Variants in CAMTA1 observed in about 807,000 individuals in gnomAD.
The protein encoded by CAMTA1 is calmodulin-binding transcription activator 1.
In CAMTA1, 27 loss-of-function variants were observed where a neutral mutation model predicts 170.9. That is an observed-to-expected ratio of 0.16 (90% CI 0.12 to 0.22). The LOEUF (loss-of-function observed/expected upper bound fraction) is 0.22. Among genes scored for constraint, CAMTA1 ranks in the 10% least tolerant of loss-of-function variants. The pLI, the probability that CAMTA1 is intolerant of heterozygous loss-of-function variation, is 1.00. For missense variants in CAMTA1, 1,619 were observed against 2,217.2 expected, an observed-to-expected ratio of 0.73 and a Z score of 5.42; for synonymous variants, 833 against 891.5, an observed-to-expected ratio of 0.93 and a Z score of 1.17.
chr1:6,804,402 C>G (rs1644271848), intron 1 of CAMTA1, among the ~76,000 whole-genome samples: 1 of 151,788 alleles, frequency 6.6e-6, no homozygotes, highest in African/African-American at 2.4e-5. Context: ...AGTGGGTTTT[C>G]TTTTGTATAT....
chr1:6,806,869 A>T (rs1349555213), intron 1 of CAMTA1: 1 of 405,972 alleles, frequency 2.5e-6, no homozygotes, highest in Non-Finnish European at 4.4e-6. Flanking sequence ...TGGAGGAATC[A>T]GAAGATATTT....
intron 6 of CAMTA1, among the ~76,000 whole-genome samples, chr1:7,621,814 C>A (rs2095600516): frequency 6.6e-6 from 1 of 152,200 alleles, no homozygotes; most frequent in South Asian, 2.1e-4. Context: ...CCATTGCTTC[C>A]AAGAAGGTCA....
intron 5 of CAMTA1, 89 bp from the exon 6 acceptor site, chr1:7,467,741 C>T (rs780865743): frequency 1.1e-4 from 137 of 1,228,170 alleles, no homozygotes; most frequent in Non-Finnish European, 1.6e-4. Flanking sequence ...CGGCTGTGGC[C>T]CCTTCTTGCT....
intron 3 of CAMTA1, among the ~76,000 whole-genome samples, chr1:7,062,751 C>T (rs1708420302): frequency 6.6e-6 from 1 of 152,224 alleles, no homozygotes; most frequent in Admixed American, 6.5e-5. Flanking sequence ...GGCCCGACCT[C>T]CAAGTCCAGG....
intron 3 of CAMTA1, among the ~76,000 whole-genome samples, chr1:6,884,337 A>C (rs926528268): frequency 4.0e-5 from 4 of 99,690 alleles, no homozygotes; most frequent in Admixed American, 3.5e-4. Flanking sequence ...CACACACACA[A>C]TTTTGTTTGG....
At chr1:7,751,787 CTGAAGGAAATCTGATTTTCAA>C (rs1429952796) in intron 20 of CAMTA1, among the ~76,000 whole-genome samples, 1 of 151,228 alleles carries the variant, frequency 6.6e-6, no homozygotes, top group Non-Finnish European at 1.5e-5. Flanking sequence ...CTCTTTGAGG[CTGAAGGAAATCTGATTTTCAA>C]TGTGAAAATA....
chr1:6,974,531 G>T (rs1390065205), intron 3 of CAMTA1, among the ~76,000 whole-genome samples: 4 of 152,226 alleles, frequency 2.6e-5, no homozygotes, highest in Non-Finnish European at 5.9e-5. Context: ...TCCCAGAGTT[G>T]GGAGTGAGGC....
chr1:6,857,071 T>C (rs1218505137), intron 3 of CAMTA1, among the ~76,000 whole-genome samples: 1 of 152,166 alleles, frequency 6.6e-6, no homozygotes. Context: ...TTGGACTGTT[T>C]TGCTATTTAC....
intron 5 of CAMTA1, among the ~76,000 whole-genome samples, chr1:7,268,765 A>G (rs918505137): frequency 2.0e-5 from 3 of 152,266 alleles, no homozygotes; most frequent in Non-Finnish European, 4.4e-5. Context: ...TGCATTCATT[A>G]CTAAACATAT....
chr1:7,390,807 C>T (rs12088241), intron 5 of CAMTA1, among the ~76,000 whole-genome samples: 13,616 of 152,292 alleles, frequency 0.089, 1,775 homozygotes, highest in African/African-American at 0.28. Context: ...TGCTCTGCAC[C>T]GCCCGCCAGG....
At chr1:6,825,627 C>T (rs567974642) in intron 3 of CAMTA1, among the ~76,000 whole-genome samples, 1 of 152,264 alleles carries the variant, frequency 6.6e-6, no homozygotes, top group South Asian at 2.1e-4. Context: ...TTGGAAAGGG[C>T]AGGTTTCATA....
chr1:7,200,688 C>T (rs1656507849), intron 4 of CAMTA1, among the ~76,000 whole-genome samples: 1 of 152,136 alleles, frequency 6.6e-6, no homozygotes, highest in Non-Finnish European at 1.5e-5. Flanking sequence ...CATGTTATGT[C>T]CTTCTCAGTA....
At chr1:6,912,541 T>C (rs145218723) in intron 3 of CAMTA1, among the ~76,000 whole-genome samples, 223 of 152,360 alleles carry the variant, frequency 1.5e-3, no homozygotes, top group African/African-American at 5.1e-3. Flanking sequence ...CAAAATAACC[T>C]TGGTCTTTCT....
intron 4 of CAMTA1, among the ~76,000 whole-genome samples, chr1:7,101,659 CAT>C (rs1352273587): frequency 6.6e-5 from 10 of 152,324 alleles, no homozygotes; most frequent in African/African-American, 2.4e-4. Context: ...CATGTATGCA[CAT>C]ACACACACAG....
chr1:7,231,295 C>T (rs905103092), intron 4 of CAMTA1, among the ~76,000 whole-genome samples: 7 of 150,080 alleles, frequency 4.7e-5, no homozygotes, highest in Admixed American at 4.0e-4. Flanking sequence ...GCAGGCACTG[C>T]GTGACCCCAG....
At chr1:7,621,114 G>C (rs2095595368) in intron 6 of CAMTA1, among the ~76,000 whole-genome samples, 1 of 152,232 alleles carries the variant, frequency 6.6e-6, no homozygotes, top group Non-Finnish European at 1.5e-5. Flanking sequence ...CCAGGACCTT[G>C]AGAGGCATTG....
chr1:7,732,695 T>C lies in CAMTA1; in HGVS notation c.3066+96T>C, dbSNP rs542297367. The stretch of plus-strand genomic sequence containing the variant: ...TCACAGGCCTCTTCTCTGCTGCTGA[T>C]GCGGTCCCTGTATTCAGGCAGAAGG... On this transcript the variant is annotated intron_variant, in intron 12 of 22. Transcript: ENST00000303635. This position sits in a 1 kb window ranked among gnomAD's most constrained non-coding sequence, Gnocchi z 4.1. 6.9e-7 allele frequency: 1 copy of C among 1,452,088 alleles called. No individual in the cohort carries two copies. Among genetic ancestry groups the C allele is most frequent in the East Asian group, 2.5e-5 (1 of 40,224 alleles). 90.0% of individuals were successfully genotyped at this position (1,452,088 alleles called of 1,614,324 possible).
At chr1:7,154,065 C>T (rs1470009723) in intron 4 of CAMTA1, among the ~76,000 whole-genome samples, 1 of 152,148 alleles carries the variant, frequency 6.6e-6, no homozygotes, top group Non-Finnish European at 1.5e-5. Context: ...TTTCCGAGTG[C>T]CTGTGGCAAG....
rs985679656 is a variant in CAMTA1, at chr1:6,965,749, G to A, written c.235-125555G>A. On this transcript the variant is annotated intron_variant, in intron 3 of 22. Transcript: ENST00000303635. The surrounding 1 kb of genome is among the most constrained non-coding windows in gnomAD (Gnocchi z 4.1). ...TTTGGGAGTTATTAGAGTTAGTGCC[G>A]GTTGTGACAAAAGCTGCATTTGCAT... 6.6e-6 allele frequency among the ~76,000 whole-genome samples: 1 copy of A among 152,190 alleles called. No individual in the cohort carries two copies. Among genetic ancestry groups the A allele is most frequent in the Non-Finnish European group, 1.5e-5 (1 of 68,038 alleles).
Sources: gnomAD v4.1 joint callset for allele counts (sites outside exome capture counted in the v4.1 genomes callset) on GRCh38, gnomAD v4.1.1 for gene constraint, Gnocchi (gnomAD v3.1) non-coding constraint, MANE v1.5 for transcripts, NCBI Gene and HGNC (gene_info 2026-07-23, HGNC 2026-07-21) for gene names.